Variants in FREM3 observed in about 807,000 individuals in gnomAD.
FREM3 encodes FRAS1 related extracellular matrix 3.
Under a neutral mutation model 129.1 loss-of-function variants are expected in FREM3, and 105 were observed. That is an observed-to-expected ratio of 0.81 (90% CI 0.69 to 0.96). The LOEUF (loss-of-function observed/expected upper bound fraction) is 0.96, where lower values mean the gene tolerates loss of function less well. Ranked by LOEUF, FREM3 falls within the 40% of genes least tolerant of loss-of-function variation. FREM3 has a pLI of 0.00. For synonymous variants in FREM3, 1,014 were observed against 1,044.9 expected, an observed-to-expected ratio of 0.97 and a Z score of 0.57; for missense variants, 2,593 against 2,666.3, an observed-to-expected ratio of 0.97 and a Z score of 0.61.
chr4:143,630,530 G>A (rs759793955), intron 2 of FREM3, among the ~76,000 whole-genome samples: 1 of 152,010 alleles, frequency 6.6e-6, no homozygotes, highest in Non-Finnish European at 1.5e-5. Context: ...TGAAATTTTA[G>A]TATGCCTTGA....
intron 2 of FREM3, among the ~76,000 whole-genome samples, chr4:143,651,030 T>C (rs1340398128): frequency 1.3e-5 from 2 of 152,244 alleles, no homozygotes; most frequent in Non-Finnish European, 2.9e-5. Context: ...TAGGTATTCC[T>C]TTTAATAATA....
rs201219597 is a variant in FREM3, at chr4:143,697,806, A to G, written c.2870T>C (p.Ile957Thr). ...AGTGGCTTTATTCTCTAGTACGTCT[A>G]TAGAAACATCCAATAATGAACTACT... The part of the protein sequence containing the change: ...LRSSSLLDVS[I>T]DVLENKATEI... Residue 957 changes from isoleucine to threonine, a missense_variant, in exon 1 of 8, where the codon ATA (isoleucine) becomes ACA (threonine). Physicochemically the swap from Ile to Thr is moderately conservative, Grantham distance 89. This residue lies in a region of FREM3 where 2,276 missense variants were observed against 2,267.2 expected (regional missense o/e 1.00). Transcript: ENST00000329798. The G allele has an allele frequency of 3.0e-4, 461 of 1,537,544 alleles. No homozygotes were observed. The highest frequency in any genetic ancestry group is 3.9e-4 in the Non-Finnish European group (446 of 1,147,014).
chr4:143,669,972 A>G (rs1190989304), intron 2 of FREM3, among the ~76,000 whole-genome samples: 1 of 152,182 alleles, frequency 6.6e-6, no homozygotes, highest in South Asian at 2.1e-4. Context: ...TGTTACAAGA[A>G]CTATGTAATT....
At chr4:143,690,519 T>TCAA (rs1204794453) in intron 2 of FREM3, among the ~76,000 whole-genome samples, 1 of 152,102 alleles carries the variant, frequency 6.6e-6, no homozygotes, top group Non-Finnish European at 1.5e-5. Context: ...AACAACAACA[T>TCAA]CAACAACAAC....
chr4:143,659,783 G>A (rs1188246201), intron 2 of FREM3, among the ~76,000 whole-genome samples: 2 of 151,200 alleles, frequency 1.3e-5, no homozygotes, highest in African/African-American at 2.4e-5. Context: ...TCTAACTGGT[G>A]TGAGATGGTA....
chr4:143,643,146 G>C (rs1170886419), intron 2 of FREM3, among the ~76,000 whole-genome samples: 2 of 152,056 alleles, frequency 1.3e-5, no homozygotes, highest in African/African-American at 2.4e-5. Context: ...CAGAGAAAAA[G>C]GAACACTTAC....
chr4:143,577,393 A>G lies in FREM3; in HGVS notation c.*218T>C, dbSNP rs530839008. ...AAAACAAAATAGAAAAAGAACATGA[A>G]CACAGTCTAATTATTTGTGGGCTCA... On this transcript the variant is annotated 3_prime_UTR_variant, in exon 8 of 8. Transcript: ENST00000329798. The G allele has an allele frequency of 9.5e-6, 5 of 527,362 alleles. No homozygotes were observed. The South Asian group carries it at 1.7e-4, about 18-fold the overall frequency. The allele number at this position is 527,362 out of a possible 1,614,324, so 32.7% of individuals were successfully genotyped here.
chr4:143,699,186 T>C lies in FREM3; in HGVS notation c.1490A>G (p.Asp497Gly). The change falls in exon 1 of 8, where the codon GAC becomes GGC. Residue 497 changes from aspartate (D) to glycine (G), a missense_variant. This residue lies in a region of FREM3 where 2,276 missense variants were observed against 2,267.2 expected (regional missense o/e 1.00). Coordinates refer to ENST00000329798, the MANE Select transcript of FREM3 (RefSeq NM_001168235.2). The surrounding 1 kb of genome is among the most constrained non-coding windows in gnomAD (Gnocchi z 4.2). ...ATACACCACTCGCCCTGCTGCCAGG[T>C]CCGCTGGTGTGAAATACTTGCACCC... ...PAGCKYFTPA[D>G]LAAGRVVYQH... 2 of 1,537,322 alleles carry C rather than the reference T, an allele frequency of 1.3e-6. No individual in the cohort carries two copies. Among genetic ancestry groups the C allele is most frequent in the Admixed American group, 3.9e-5 (2 of 50,996 alleles).
Position 143,698,729 on chromosome 4 carries a change from GTC to G in FREM3, c.1945_1946del (p.Asp649HisfsTer30), listed in dbSNP as rs1423718303. The stretch of plus-strand genomic sequence containing the variant: ...GGTAGAAGAGTCTCCCTTCCATTAT[GTC>G]TCTCTGTAGCCACTCAGTCACCACT... The part of the protein sequence containing the change: ...EKVVTEWLQR[D>X]IMEGRLFYRH... On this transcript the variant is annotated frameshift_variant, in exon 1 of 8. Transcript: ENST00000329798. LOFTEE classifies it high-confidence loss of function. The G allele has an allele frequency of 3.3e-6, 5 of 1,537,294 alleles. No individual in the cohort carries two copies. The highest frequency in any genetic ancestry group is 4.4e-6 in the Non-Finnish European group (5 of 1,146,926).
intron 6 of FREM3, among the ~76,000 whole-genome samples, chr4:143,588,596 G>A (rs1321092481): frequency 1.3e-5 from 2 of 151,962 alleles, no homozygotes; most frequent in East Asian, 1.9e-4. Flanking sequence ...TGGCTGCATA[G>A]TACTCCATGG....
intron 2 of FREM3, among the ~76,000 whole-genome samples, chr4:143,659,684 T>TTA (rs2149851547): frequency 1.4e-5 from 1 of 69,768 alleles, no homozygotes; most frequent in Admixed American, 1.3e-4. Flanking sequence ...TTGAACTAGT[T>TTA]TACAGTCCCA....
At chr4:143,638,765 C>T (rs766243408) in intron 2 of FREM3, among the ~76,000 whole-genome samples, 6 of 152,080 alleles carry the variant, frequency 3.9e-5, no homozygotes, top group Non-Finnish European at 8.8e-5. Flanking sequence ...CTTGATTTAT[C>T]ATTATTGAGA....
chr4:143,635,987 G>T (rs1214662985), intron 2 of FREM3, among the ~76,000 whole-genome samples: 2 of 152,040 alleles, frequency 1.3e-5, no homozygotes, highest in African/African-American at 4.8e-5. Context: ...CTGGCCTTAG[G>T]CAACTTCTCA....
At chr4:143,689,913 A>G (rs1332861466) in intron 2 of FREM3, among the ~76,000 whole-genome samples, 1 of 151,542 alleles carries the variant, frequency 6.6e-6, no homozygotes, top group Non-Finnish European at 1.5e-5. Context: ...AAAATAGTAT[A>G]TACTGCTCGG....
At chr4:143,673,441 G>T (rs956653671) in intron 2 of FREM3, among the ~76,000 whole-genome samples, 6 of 152,224 alleles carry the variant, frequency 3.9e-5, no homozygotes, top group African/African-American at 1.4e-4. Flanking sequence ...CTGTCTGATT[G>T]TTCCTCTGGA....
chr4:143,697,120 T>G lies in FREM3; in HGVS notation c.3556A>C (p.Ile1186Leu). The G allele has an allele frequency of 6.5e-7, 1 of 1,537,804 alleles. No homozygotes were observed. The highest frequency in any genetic ancestry group is 8.7e-7 in the Non-Finnish European group (1 of 1,147,022). ...FSPNVFFPII[I>L]LPTNDEQPKL... Reference sequence around the variant, plus strand: ...GGCTGCTCATCATTGGTGGGTAGGATGATTATAGGGAAGAAGACATTTGGG... The same window carrying G: ...GGCTGCTCATCATTGGTGGGTAGGAGGATTATAGGGAAGAAGACATTTGGG... The change falls in exon 1 of 8, where the codon ATC becomes CTC. Residue 1186 changes from isoleucine (I) to leucine (L), a missense_variant. Coordinates refer to ENST00000329798, the MANE Select transcript of FREM3 (RefSeq NM_001168235.2).
At chr4:143,684,817 C>A (rs1423711278) in intron 2 of FREM3, among the ~76,000 whole-genome samples, 9 of 152,134 alleles carry the variant, frequency 5.9e-5, no homozygotes, top group Non-Finnish European at 1.0e-4. Flanking sequence ...AAAAAACCAT[C>A]AAAAATTCAT....
intron 6 of FREM3, among the ~76,000 whole-genome samples, chr4:143,592,630 C>T (rs1223342306): frequency 2.0e-5 from 3 of 152,214 alleles, no homozygotes; most frequent in Admixed American, 6.5e-5. Flanking sequence ...TGATGGGCTT[C>T]CCTTTGTGGG....
chr4:143,578,055 C>T (rs948843834), intron 7 of FREM3, among the ~76,000 whole-genome samples: 2 of 152,244 alleles, frequency 1.3e-5, no homozygotes, highest in Non-Finnish European at 2.9e-5. Context: ...GCCATGCCCA[C>T]GTGCCATCCT....
Sources: gnomAD v4.1 joint callset for allele counts (sites outside exome capture counted in the v4.1 genomes callset) on GRCh38, gnomAD v4.1.1 for gene constraint, gnomAD v4.1.1 regional missense constraint, Gnocchi (gnomAD v3.1) non-coding constraint, MANE v1.5 for transcripts, NCBI Gene and HGNC (gene_info 2026-07-23, HGNC 2026-07-21) for gene names.